The following FMN1 variants were observed in gnomAD, a reference collection of about 807,000 sequenced individuals.
The protein encoded by FMN1 is formin-1.
In FMN1, 110 loss-of-function variants were observed where a neutral mutation model predicts 132.4. The observed-to-expected ratio is 0.83, with a 90% CI of 0.71 to 0.97. FMN1 has a LOEUF of 0.97. Ranked by LOEUF, FMN1 falls within the 50% of genes least tolerant of loss-of-function variation. The pLI is 0.00. For synonymous variants in FMN1, 722 were observed against 651.7 expected (o/e 1.11, Z -1.64); for missense variants, 1,792 against 1,705.3 (o/e 1.05, Z -0.90).
At chr15:32,849,855 C>T (rs929781929) in intron 17 of FMN1, among the ~76,000 whole-genome samples, 8 of 152,106 alleles carry the variant, frequency 5.3e-5, no homozygotes, top group Admixed American at 2.6e-4. Context: ...TGGGGTTTCG[C>T]CATGTTGGCC....
intron 9 of FMN1, among the ~76,000 whole-genome samples, chr15:32,949,949 A>ATGTG (rs1336035067): frequency 2.0e-5 from 1 of 51,214 alleles, no homozygotes; most frequent in Non-Finnish European, 3.5e-5. Flanking sequence ...GCATATATAT[A>ATGTG]TATATATATA....
chr15:32,893,449 T>C (rs1008376500), intron 15 of FMN1, among the ~76,000 whole-genome samples: 4 of 152,270 alleles, frequency 2.6e-5, no homozygotes, highest in Non-Finnish European at 5.9e-5. Context: ...GCAGCTCTTA[T>C]GAAAGCTGCT....
intron 16 of FMN1, among the ~76,000 whole-genome samples, chr15:32,883,447 T>G (rs2059817744): frequency 7.1e-6 from 1 of 140,800 alleles, no homozygotes; most frequent in African/African-American, 2.7e-5. Context: ...AATATTGAGG[T>G]TTCAGTGAGC....
intron 17 of FMN1, among the ~76,000 whole-genome samples, chr15:32,828,798 C>T (rs139299523): frequency 8.3e-4 from 126 of 152,310 alleles, no homozygotes; most frequent in African/African-American, 3.0e-3. Flanking sequence ...AGAAAGCATA[C>T]ATTCCGACTA....
At chr15:32,955,166 C>T (rs1596338378) in intron 9 of FMN1, among the ~76,000 whole-genome samples, 1 of 152,130 alleles carries the variant, frequency 6.6e-6, no homozygotes. Context: ...ATATGACAGG[C>T]ACTTAACCAA....
chr15:33,061,417 A>G (rs2037476254), intron 6 of FMN1, among the ~76,000 whole-genome samples: 1 of 152,102 alleles, frequency 6.6e-6, no homozygotes, highest in Admixed American at 6.5e-5. Flanking sequence ...AAAAAATACA[A>G]GATATATACA....
chr15:33,150,964 G>C, intron 4 of FMN1: 1 of 1,064,854 alleles, frequency 9.4e-7, no homozygotes, highest in Non-Finnish European at 1.1e-6. Flanking sequence ...GGGTTTAGGT[G>C]GGAAGAGAAA....
chr15:32,774,884 G>A (rs1274426495), intron 20 of FMN1, among the ~76,000 whole-genome samples: 2 of 152,264 alleles, frequency 1.3e-5, no homozygotes, highest in East Asian at 1.9e-4. Flanking sequence ...TTCATTCTCC[G>A]AGCTTCCTCC....
At chr15:33,061,726 A>C (rs528153687) in intron 6 of FMN1, among the ~76,000 whole-genome samples, 2 of 152,172 alleles carry the variant, frequency 1.3e-5, no homozygotes, top group Non-Finnish European at 2.9e-5. Context: ...ATACAAACAT[A>C]TCAAAGACAA....
At chr15:33,005,514 A>G (rs1419544423) in intron 7 of FMN1, among the ~76,000 whole-genome samples, 1 of 152,132 alleles carries the variant, frequency 6.6e-6, no homozygotes, top group Non-Finnish European at 1.5e-5. Flanking sequence ...TCCATCTCCA[A>G]TCTTTTCTTA....
intron 6 of FMN1, among the ~76,000 whole-genome samples, chr15:33,029,849 A>G (rs1011714116): frequency 5.3e-5 from 8 of 152,140 alleles, no homozygotes; most frequent in Non-Finnish European, 8.8e-5. Flanking sequence ...AGGTAGAAAC[A>G]GGAATGTTAT....
intron 16 of FMN1, among the ~76,000 whole-genome samples, chr15:32,869,992 A>G (rs966540591): frequency 3.9e-5 from 6 of 152,212 alleles, no homozygotes; most frequent in African/African-American, 1.4e-4. Context: ...AGCTACAGAA[A>G]GAACGCCAAA....
At chr15:33,063,521 T>C (rs1221682838) in intron 6 of FMN1, 1 of 152,304 alleles carries the variant, frequency 6.6e-6, no homozygotes, top group African/African-American at 2.4e-5. Context: ...ACCCCGTCTG[T>C]ACCTCTGTGA....
At chr15:32,903,047 G>A (rs1258558578) in intron 12 of FMN1, among the ~76,000 whole-genome samples, 3 of 152,150 alleles carry the variant, frequency 2.0e-5, no homozygotes, top group Admixed American at 6.5e-5. Flanking sequence ...TTTCTATACC[G>A]AAAGATATTT....
At chr15:33,029,905 C>T (rs1026912934) in intron 6 of FMN1, among the ~76,000 whole-genome samples, 4 of 152,184 alleles carry the variant, frequency 2.6e-5, no homozygotes, top group African/African-American at 9.7e-5. Context: ...CGCCTGTAAT[C>T]CCAGCACTTT....
intron 6 of FMN1, among the ~76,000 whole-genome samples, chr15:33,031,880 T>C (rs965892159): frequency 2.0e-5 from 3 of 152,234 alleles, no homozygotes; most frequent in African/African-American, 7.2e-5. Flanking sequence ...GGTAAACAAA[T>C]AAATATTGAT....
chr15:33,116,707 G>A (rs1044105093), intron 4 of FMN1, among the ~76,000 whole-genome samples: 3 of 151,900 alleles, frequency 2.0e-5, no homozygotes, highest in Non-Finnish European at 4.4e-5. Flanking sequence ...TCATATTGAA[G>A]CCCAAACATG....
chr15:33,129,984 G>A (rs926172022), intron 4 of FMN1, among the ~76,000 whole-genome samples: 4 of 151,874 alleles, frequency 2.6e-5, no homozygotes, highest in African/African-American at 7.3e-5. Context: ...TAGTAGAGAC[G>A]GGGTTTCACC....
intron 3 of FMN1, among the ~76,000 whole-genome samples, chr15:33,155,374 A>G (rs1262807492): frequency 1.3e-5 from 2 of 152,210 alleles, no homozygotes; most frequent in Non-Finnish European, 2.9e-5. Context: ...TCTGTAAAAT[A>G]GAGCTATCAT....
Sources: gnomAD v4.1 joint callset for allele counts (sites outside exome capture counted in the v4.1 genomes callset) on GRCh38, gnomAD v4.1.1 for gene constraint, MANE v1.5 for transcripts, NCBI Gene and HGNC (gene_info 2026-07-23, HGNC 2026-07-21) for gene names.